Variants in SMAD2 observed in about 807,000 individuals in gnomAD.
SMAD2 encodes SMAD family member 2.
Under a neutral mutation model 64.4 loss-of-function variants are expected in SMAD2, and 8 were observed. The observed-to-expected ratio is 0.12, with a 90% CI of 0.07 to 0.22. SMAD2 has a LOEUF of 0.22. Ranked by LOEUF, SMAD2 falls within the 10% of genes least tolerant of loss-of-function variation. SMAD2 has a pLI of 1.00. For missense variants in SMAD2, 289 were observed against 561.2 expected (o/e 0.51, Z 4.90); for synonymous variants, 203 against 195.8 (o/e 1.04, Z -0.31).
intron 5 of SMAD2, among the ~76,000 whole-genome samples, chr18:47,865,771 C>T (rs778147782): frequency 1.8e-4 from 28 of 152,028 alleles, no homozygotes; most frequent in Non-Finnish European, 3.1e-4. Flanking sequence ...TAAAATGCTC[C>T]CTGAAAATAA....
intron 1 of SMAD2, among the ~76,000 whole-genome samples, chr18:47,925,950 G>A (rs12457664): frequency 0.42 from 64,336 of 151,998 alleles, 14,560 homozygotes; most frequent in East Asian, 0.63. Flanking sequence ...TAGAAATCTC[G>A]AGCATACTCT....
rs1484609875 is a variant in SMAD2, at chr18:47,836,269, A to T, written c.*5558T>A. On this transcript the variant is annotated 3_prime_UTR_variant, in exon 11 of 11. Transcript: ENST00000262160. ...CCAGAAGAAGAATTAAAGAGGGAGC[A>T]ATCTAGTATTATCAACAACAACAAA... 1 of 223,914 alleles carries T rather than the reference A, an allele frequency of 4.5e-6. No individual in the cohort carries two copies. Among genetic ancestry groups the T allele is most frequent in the South Asian group, 1.8e-4 (1 of 5,428 alleles). The allele number at this position is 223,914 out of a possible 1,614,324, so 13.9% of individuals were successfully genotyped here.
chr18:47,851,182 G>A lies in SMAD2; in HGVS notation c.784+92C>T, dbSNP rs572929733. The A allele has an allele frequency of 2.4e-4, 219 of 899,524 alleles. 1 individual carries two copies. The highest frequency in any genetic ancestry group is 1.1e-3 in the South Asian group (80 of 71,360). 55.7% of individuals were successfully genotyped at this position (899,524 alleles called of 1,614,324 possible). A position where few individuals can be genotyped will look rare whatever the true frequency, so the allele number is the denominator to read the frequency against. On this transcript the variant is annotated intron_variant, in intron 7 of 10. Transcript: ENST00000262160. ...GGCTATTCATTAGGATCCCTTTCTC[G>A]GATATATAAAAAATAACTCCTAGAG...
chr18:47,880,140 T>C (rs1015615487), intron 2 of SMAD2, among the ~76,000 whole-genome samples: 1 of 152,250 alleles, frequency 6.6e-6, no homozygotes, highest in Admixed American at 6.5e-5. Context: ...TTTAATAATA[T>C]GTTTTGTATA....
rs974934855 is a variant in SMAD2, at chr18:47,817,728, G to A, written c.*24099C>T. On this transcript the variant is annotated 3_prime_UTR_variant, in exon 11 of 11. Coordinates refer to ENST00000262160, the MANE Select transcript of SMAD2 (RefSeq NM_005901.6). ...GGAACACTGATTTTGGTTTCGTTTC[G>A]ATATGGTTACATGCATCTGTAAATG... 2.0e-5 allele frequency: 3 copies of A among 152,124 alleles called. No homozygotes were observed. The highest frequency in any genetic ancestry group is 2.9e-5 in the Non-Finnish European group (2 of 68,020). 9.4% of individuals were successfully genotyped at this position (152,124 alleles called of 1,614,324 possible).
At chr18:47,912,482 T>A (rs2034175659) in intron 1 of SMAD2, 1 of 152,264 alleles carries the variant, frequency 6.6e-6, no homozygotes, top group Admixed American at 6.5e-5. Flanking sequence ...TTTATGTAAG[T>A]AACTATGTTC....
At chr18:47,873,656 T>A (rs1159373808) in intron 2 of SMAD2, among the ~76,000 whole-genome samples, 1 of 152,200 alleles carries the variant, frequency 6.6e-6, no homozygotes, top group African/African-American at 2.4e-5. Context: ...CTTTCCTTCA[T>A]ATAACAATGA....
intron 1 of SMAD2, among the ~76,000 whole-genome samples, chr18:47,899,559 C>CATG (rs965090895): frequency 2.6e-5 from 4 of 152,114 alleles, no homozygotes; most frequent in African/African-American, 9.7e-5. Flanking sequence ...TATCAAGCAG[C>CATG]ATGATGCCAG....
At chr18:47,866,084 A>T (rs2031531666) in intron 5 of SMAD2, among the ~76,000 whole-genome samples, 1 of 152,168 alleles carries the variant, frequency 6.6e-6, no homozygotes, top group Non-Finnish European at 1.5e-5. Context: ...TGGGAGGCCG[A>T]GGCAGGCAGA....
Position 47,827,477 on chromosome 18 carries a change from C to G in SMAD2, c.*14350G>C, listed in dbSNP as rs1205825581. 6.6e-6 allele frequency: 1 copy of G among 152,370 alleles called. No individual in the cohort carries two copies. Among genetic ancestry groups the G allele is most frequent in the Non-Finnish European group, 1.5e-5 (1 of 68,174 alleles). 9.4% of individuals were successfully genotyped at this position (152,370 alleles called of 1,614,324 possible). On this transcript the variant is annotated 3_prime_UTR_variant, in exon 11 of 11. Transcript: ENST00000262160. ...ATCCCTCTCCCTCTCCCGTCTCCCC[C>G]CGTCTCCCACTTTCTACGGTCTCCC...
At chr18:47,875,806 G>A (rs1249088096) in intron 2 of SMAD2, among the ~76,000 whole-genome samples, 1 of 152,020 alleles carries the variant, frequency 6.6e-6, no homozygotes, top group Non-Finnish European at 1.5e-5. Context: ...CAAGCACTGT[G>A]TAAGACTAAA....
chr18:47,860,348 T>C (rs543748448), intron 6 of SMAD2, among the ~76,000 whole-genome samples: 2 of 152,180 alleles, frequency 1.3e-5, no homozygotes, highest in East Asian at 3.9e-4. Context: ...CATGGCTCAA[T>C]GCAACCTCCA....
rs1188701261 is a variant in SMAD2 at position 47,809,886 on chromosome 18, G to A, written c.*31941C>T. The stretch of plus-strand genomic sequence containing the variant: ...ATGGCCTGAGACATACTTGGATACA[G>A]AGTGGGGTGGACTCACTGAGAAACC... On this transcript the variant is annotated 3_prime_UTR_variant, in exon 11 of 11. Transcript: ENST00000262160. The A allele has an allele frequency of 6.6e-6, 1 of 152,198 alleles. No individual in the cohort carries two copies. Among genetic ancestry groups the A allele is most frequent in the Non-Finnish European group, 1.5e-5 (1 of 68,038 alleles). 9.4% of individuals were successfully genotyped at this position (152,198 alleles called of 1,614,324 possible). A position where few individuals can be genotyped will look rare whatever the true frequency, so the allele number is the denominator to read the frequency against.
rs1205003342 is a variant in SMAD2, at chr18:47,834,391, T to C, written c.*7436A>G. 6 of 207,604 alleles carry C rather than the reference T, an allele frequency of 2.9e-5. No individual in the cohort carries two copies. The highest frequency in any genetic ancestry group is 5.9e-5 in the Non-Finnish European group (6 of 101,838). The allele number at this position is 207,604 out of a possible 1,614,324, so 12.9% of individuals were successfully genotyped here. ...GTGCTACTTATCAGAAAAATCCACA[T>C]ATATACAAAACTCTGCTAAAAGTTT... is the stretch of plus-strand genomic sequence containing the variant. On this transcript the variant is annotated 3_prime_UTR_variant, in exon 11 of 11. Transcript: ENST00000262160.
chr18:47,819,495 A>G lies in SMAD2; in HGVS notation c.*22332T>C, dbSNP rs888964010. On this transcript the variant is annotated 3_prime_UTR_variant, in exon 11 of 11. Transcript: ENST00000262160. ...GTCTAATATCTCAGTTTTTATAAGTAATCTAGGAATAATTGTTAAAAATGA... is the reference window on the plus strand; with the variant it reads ...GTCTAATATCTCAGTTTTTATAAGTGATCTAGGAATAATTGTTAAAAATGA... The G allele has an allele frequency of 6.6e-6, 1 of 152,224 alleles. No homozygotes were observed. The highest frequency in any genetic ancestry group is 1.5e-5 in the Non-Finnish European group (1 of 68,040). The allele number at this position is 152,224 out of a possible 1,614,324, so 9.4% of individuals were successfully genotyped here.
At position 47,840,424 on chromosome 18, in the gene SMAD2, C is replaced by T; in HGVS notation, c.*1403G>A. The T allele has an allele frequency of 4.3e-6, 1 of 232,802 alleles. No individual in the cohort carries two copies. 14.4% of individuals were successfully genotyped at this position (232,802 alleles called of 1,614,324 possible). A position where few individuals can be genotyped will look rare whatever the true frequency, so the allele number is the denominator to read the frequency against. On this transcript the variant is annotated 3_prime_UTR_variant, in exon 11 of 11. Coordinates refer to ENST00000262160, the MANE Select transcript of SMAD2 (RefSeq NM_005901.6). ...GAGTTTCGGAAATCTCCTCTCACTA[C>T]AGAGCATGAAATATTGTCAATCACA...
chr18:47,904,246 C>T (rs889943852), intron 1 of SMAD2, among the ~76,000 whole-genome samples: 3 of 148,664 alleles, frequency 2.0e-5, no homozygotes, highest in African/African-American at 5.0e-5. Context: ...GGTGGCATCT[C>T]GTATGAAGCA....
intron 3 of SMAD2, 88 bp downstream of exon 3, chr18:47,870,387 A>G: frequency 1.1e-6 from 1 of 950,374 alleles, no homozygotes; most frequent in Non-Finnish European, 1.7e-6. Context: ...CCTAGGCAAA[A>G]TTATACTAAG....
rs953186679 is a variant in SMAD2, at chr18:47,819,173, A to G, written c.*22654T>C. 6.6e-6 allele frequency: 1 copy of G among 152,248 alleles called. No homozygotes were observed. The highest frequency in any genetic ancestry group is 2.4e-5 in the African/African-American group (1 of 41,472). 9.4% of individuals were successfully genotyped at this position (152,248 alleles called of 1,614,324 possible). ...AAACATCTGATAAGCTGGTTTTAAA[A>G]TAATTGGTAAATCAAAAATAAGTGT... On this transcript the variant is annotated 3_prime_UTR_variant, in exon 11 of 11. Coordinates refer to ENST00000262160, the MANE Select transcript of SMAD2 (RefSeq NM_005901.6).
Sources: allele counts gnomAD v4.1 joint callset (sites outside exome capture counted in the v4.1 genomes callset), GRCh38; gene constraint gnomAD v4.1.1; transcripts MANE v1.5; gene names NCBI Gene and HGNC (gene_info 2026-07-23, HGNC 2026-07-21).